Variants in SYNPR observed in about 807,000 individuals in gnomAD.
SYNPR encodes the protein synaptoporin.
A neutral mutation model predicts 32.9 loss-of-function variants in SYNPR; 23 were observed. The ratio of observed to expected loss-of-function variants is 0.70; its 90% CI spans 0.50 to 0.99. The LOEUF (loss-of-function observed/expected upper bound fraction) is 0.99. SYNPR is among the 50% of genes least tolerant of loss of function. SYNPR has a pLI of 0.00. For synonymous variants in SYNPR, 146 were observed against 135.9 expected (o/e 1.07, Z -0.52); for missense variants, 318 against 349.3 (o/e 0.91, Z 0.71).
chr3:63,202,792 C>T, the SYNPR span, among the ~76,000 whole-genome samples: 24 of 151,932 alleles, frequency 1.6e-4, no homozygotes, highest in African/African-American at 5.1e-4. Flanking sequence ...TGTTTTGACT[C>T]CCCAAGAAAG....
intron 2 of SYNPR, among the ~76,000 whole-genome samples, chr3:63,403,976 A>T (rs927166915): frequency 6.6e-6 from 1 of 152,194 alleles, no homozygotes; most frequent in African/African-American, 2.4e-5. Flanking sequence ...GACTGGGTTC[A>T]ATTTATCAGT....
chr3:63,492,572 G>T (rs1292679074), intron 3 of SYNPR, among the ~76,000 whole-genome samples: 1 of 152,166 alleles, frequency 6.6e-6, no homozygotes, highest in Non-Finnish European at 1.5e-5. Context: ...GACCAGGATT[G>T]GGGCACTTAC....
intron 3 of SYNPR, among the ~76,000 whole-genome samples, chr3:63,527,909 G>T (rs11921529): frequency 6.6e-6 from 1 of 151,868 alleles, no homozygotes; most frequent in African/African-American, 2.4e-5. Flanking sequence ...ACTTAATTTT[G>T]TCAAAGATCT....
intron 3 of SYNPR, among the ~76,000 whole-genome samples, chr3:63,527,316 A>G (rs140691090): frequency 1.3e-5 from 2 of 152,196 alleles, no homozygotes; most frequent in Non-Finnish European, 2.9e-5. Flanking sequence ...GTCCTCATGG[A>G]GAGGAGATCC....
Position 63,398,587 on chromosome 3 carries a change from G to A in SYNPR, c.85-82245G>A, listed in dbSNP as rs182518144. On this transcript the variant is annotated intron_variant, in intron 2 of 5. Coordinates refer to ENST00000478300, the MANE Select transcript of SYNPR (RefSeq NM_001130003.2). ...AAAAAAATTAGCCGGGCACAGTGGT[G>A]GGCACCTGTACTCCCAGCTGCTCAG... Among the ~76,000 whole-genome samples, 245 of 151,968 alleles carry A rather than the reference G, an allele frequency of 1.6e-3. 4 individuals are homozygous for A. Among genetic ancestry groups the A allele is most frequent in the Middle Eastern group, 0.01 (3 of 294 alleles).
chr3:63,543,618 T>A (rs1702345814), intron 3 of SYNPR, among the ~76,000 whole-genome samples: 1 of 152,112 alleles, frequency 6.6e-6, no homozygotes, highest in African/African-American at 2.4e-5. Flanking sequence ...TATGACTAGA[T>A]CAGTGTCATT....
chr3:63,431,948 G>C (rs1474798532), intron 2 of SYNPR, among the ~76,000 whole-genome samples: 1 of 151,958 alleles, frequency 6.6e-6, no homozygotes, highest in African/African-American at 2.4e-5. Context: ...CACCACACAG[G>C]CCTTCAGCAT....
At chr3:63,275,041 T>G (rs2086562431), upstream of SYNPR, among the ~76,000 whole-genome samples, 1 of 152,206 alleles carries the variant, frequency 6.6e-6, no homozygotes, top group Non-Finnish European at 1.5e-5. Context: ...ATTTACATAA[T>G]CAACACTGGC....
chr3:63,338,691 G>A (rs1236265785), intron 2 of SYNPR, among the ~76,000 whole-genome samples: 1 of 152,168 alleles, frequency 6.6e-6, no homozygotes, highest in African/African-American at 2.4e-5. Flanking sequence ...GAGATGAAAA[G>A]CCTGTCCAAG....
At chr3:63,441,125 G>A (rs1240067198) in intron 2 of SYNPR, among the ~76,000 whole-genome samples, 2 of 152,148 alleles carry the variant, frequency 1.3e-5, no homozygotes, top group African/African-American at 4.8e-5. Context: ...TGTACTTTCA[G>A]ATAAGTTACT....
intron 2 of SYNPR, among the ~76,000 whole-genome samples, chr3:63,327,986 A>G (rs17068243): frequency 0.021 from 3,124 of 152,294 alleles, 93 homozygotes; most frequent in African/African-American, 0.071. Flanking sequence ...AAGCAGGACA[A>G]AGTAAATATT....
intron 2 of SYNPR, among the ~76,000 whole-genome samples, chr3:63,369,374 A>G (rs2087768014): frequency 6.6e-6 from 1 of 152,174 alleles, no homozygotes; most frequent in Non-Finnish European, 1.5e-5. Context: ...AAAATGGAGG[A>G]GGGGGTTAAG....
At chr3:63,268,060 T>C (rs142215519) in intron 3 of SYNPR, among the ~76,000 whole-genome samples, 53 of 152,338 alleles carry the variant, frequency 3.5e-4, no homozygotes, top group African/African-American at 1.3e-3. Flanking sequence ...TGTGGAATAA[T>C]TGCTCTTAAT....
intron 2 of SYNPR, among the ~76,000 whole-genome samples, chr3:63,293,702 G>A (rs905890530): frequency 3.3e-5 from 5 of 152,090 alleles, no homozygotes. Context: ...GTAACTTCTG[G>A]AAGTTTGCTG....
intron 2 of SYNPR, among the ~76,000 whole-genome samples, chr3:63,306,317 G>C (rs77005938): frequency 0.04 from 6,031 of 151,912 alleles, 381 homozygotes; most frequent in African/African-American, 0.14. Context: ...CCTTGGAGAG[G>C]GTTCTCCATA....
chr3:63,293,379 A>C (rs554427941), intron 2 of SYNPR, among the ~76,000 whole-genome samples: 1 of 152,212 alleles, frequency 6.6e-6, no homozygotes, highest in Non-Finnish European at 1.5e-5. Context: ...GTTTATTAAC[A>C]ATCACAAAAT....
chr3:63,260,832 G>A (rs1194809739), intron 2 of SYNPR, among the ~76,000 whole-genome samples: 3 of 151,352 alleles, frequency 2.0e-5, no homozygotes, highest in African/African-American at 7.3e-5. Flanking sequence ...TCTGACAAAG[G>A]GCTAATATCC....
At chr3:63,531,303 C>T (rs1026877977) in intron 3 of SYNPR, among the ~76,000 whole-genome samples, 2 of 152,146 alleles carry the variant, frequency 1.3e-5, no homozygotes, top group African/African-American at 4.8e-5. Flanking sequence ...ATCAAGGTAA[C>T]AGCAGGGCTC....
chr3:63,578,527 G>A (rs752651353), intron 4 of SYNPR, among the ~76,000 whole-genome samples: 1 of 152,080 alleles, frequency 6.6e-6, no homozygotes, highest in East Asian at 1.9e-4. Context: ...AGGTGTGAGA[G>A]TGGAAGCTAT....
Sources: gnomAD v4.1 joint callset for allele counts (sites outside exome capture counted in the v4.1 genomes callset) on GRCh38, gnomAD v4.1.1 for gene constraint, MANE v1.5 for transcripts, NCBI Gene and HGNC (gene_info 2026-07-23, HGNC 2026-07-21) for gene names.